MAP3K14: variants seen among roughly 807,000 people sequenced by gnomAD.
MAP3K14 encodes the protein NF-kappa-beta-inducing kinase.
In MAP3K14, 16 loss-of-function variants were observed where a neutral mutation model predicts 99.2. That is an observed-to-expected ratio of 0.16 (90% CI 0.11 to 0.24). The LOEUF (loss-of-function observed/expected upper bound fraction) is 0.24. Ranked by LOEUF, MAP3K14 falls within the 10% of genes least tolerant of loss-of-function variation. The pLI, the probability that MAP3K14 is intolerant of heterozygous loss-of-function variation, is 1.00. For missense variants in MAP3K14, 784 were observed against 1,208.7 expected (o/e 0.65, Z 5.21); for synonymous variants, 462 against 492.4 (o/e 0.94, Z 0.82).
At chr17:45,269,222 G>A (rs2044123558) in intron 11 of MAP3K14, among the ~76,000 whole-genome samples, 2 of 152,042 alleles carry the variant, frequency 1.3e-5, no homozygotes, top group Admixed American at 1.3e-4. Context: ...ATGTTGCCCA[G>A]GCTGATCTTG....
intron 8 of MAP3K14, chr17:45,273,886 A>G: frequency 1.6e-6 from 1 of 642,228 alleles, no homozygotes; most frequent in East Asian, 2.7e-5. Context: ...ACCAGGGGTC[A>G]CCAGTGGGTG....
At chr17:45,295,544 C>T (rs984422727) in intron 1 of MAP3K14, among the ~76,000 whole-genome samples, 12 of 152,130 alleles carry the variant, frequency 7.9e-5, no homozygotes, top group Admixed American at 3.9e-4. Flanking sequence ...TACTAACTGT[C>T]GATACTTACA....
Position 45,271,163 on chromosome 17 carries a change from G to GA in MAP3K14, c.1715_1716insT (p.Cys573LeufsTer98). 1 of 1,613,538 alleles carries GA rather than the reference G, an allele frequency of 6.2e-7. No individual in the cohort carries two copies. Among genetic ancestry groups the GA allele is most frequent in the Non-Finnish European group, 8.5e-7 (1 of 1,179,802 alleles). ...TCCAGACATCCACCTTGGCGTCGCA[G>GA]CTCCTGCCCAGCACCACCTCCGGAG... On this transcript the variant is annotated frameshift_variant, in exon 10 of 16. Coordinates refer to ENST00000344686, the MANE Select transcript of MAP3K14 (RefSeq NM_003954.5). LOFTEE classifies it high-confidence loss of function.
rs747466210 is a variant in MAP3K14 at position 45,286,763 on chromosome 17, G to A, written c.820C>T (p.Pro274Ser). 1 of 1,612,486 alleles carries A rather than the reference G, an allele frequency of 6.2e-7. No individual in the cohort carries two copies. Among genetic ancestry groups the A allele is most frequent in the South Asian group, 1.1e-5 (1 of 90,768 alleles). Residue 274 changes from proline to serine, a missense_variant, in exon 5 of 16, where the codon CCC (proline) becomes TCC (serine). By Grantham distance (74) the Pro-to-Ser change is moderately conservative. Transcript: ENST00000344686. The surrounding 1 kb of genome is among the most constrained non-coding windows in gnomAD (Gnocchi z 4.1). ...PHPFPFHPLQ[P>S]WKPHPLESFL... ...GACTCCAGAGGGTGAGGTTTCCAGG[G>A]CTGGAGAGGGTGGAATGGGAAGGGA... is the stretch of plus-strand genomic sequence containing the variant.
chr17:45,271,265 G>A, intron 9 of MAP3K14, 44 bp from the exon 10 acceptor site: 3 of 1,564,712 alleles, frequency 1.9e-6, no homozygotes, highest in Non-Finnish European at 2.6e-6. Flanking sequence ...AATGCTGATG[G>A]GCAGGAGCCT....
At chr17:45,279,016 A>C (rs1781857436) in intron 6 of MAP3K14, among the ~76,000 whole-genome samples, 1 of 152,188 alleles carries the variant, frequency 6.6e-6, no homozygotes, top group Non-Finnish European at 1.5e-5. Flanking sequence ...AGGTGGAAGC[A>C]CTGTCAGCAA....
At chr17:45,276,057 G>A (rs777832051) in intron 6 of MAP3K14, among the ~76,000 whole-genome samples, 29 of 152,022 alleles carry the variant, frequency 1.9e-4, no homozygotes, top group Non-Finnish European at 3.8e-4. Context: ...CACCATGCCC[G>A]GCCTCAACAC....
chr17:45,267,010 G>A lies in MAP3K14; in HGVS notation c.2433+82C>T, dbSNP rs2143768789. On this transcript the variant is annotated intron_variant, in intron 13 of 15. Coordinates refer to ENST00000344686, the MANE Select transcript of MAP3K14 (RefSeq NM_003954.5). The surrounding 1 kb of genome is among the most constrained non-coding windows in gnomAD (Gnocchi z 5.1). Reference sequence around the variant, plus strand: ...CTTGCACAGTGTCCATTCACTAGCTGGACGCAAAGCTACTTGCTCTGTGCC... The same window carrying A: ...CTTGCACAGTGTCCATTCACTAGCTAGACGCAAAGCTACTTGCTCTGTGCC... 3 of 1,046,036 alleles carry A rather than the reference G, an allele frequency of 2.9e-6. No homozygotes were observed. The South Asian group carries it at 4.1e-5, about 14-fold the overall frequency. 64.8% of individuals were successfully genotyped at this position (1,046,036 alleles called of 1,614,324 possible).
chr17:45,264,264 C>A lies in MAP3K14; in HGVS notation c.*372G>T, dbSNP rs1216475130. On this transcript the variant is annotated 3_prime_UTR_variant, in exon 16 of 16. Coordinates refer to ENST00000344686, the MANE Select transcript of MAP3K14 (RefSeq NM_003954.5). The stretch of plus-strand genomic sequence containing the variant: ...GTGAGGGGCCGAGGGGCTCGCCCAC[C>A]CCTTCTGACCCAGGCTGGAAGCTGC... The A allele has an allele frequency of 5.3e-6, 1 of 188,396 alleles. No homozygotes were observed. The highest frequency in any genetic ancestry group is 1.1e-5 in the Non-Finnish European group (1 of 91,408). The allele number at this position is 188,396 out of a possible 1,614,324, so 11.7% of individuals were successfully genotyped here.
At chr17:45,270,962 T>TC in intron 10 of MAP3K14, 96 bp downstream of exon 10, 1 of 1,482,320 alleles carries the variant, frequency 6.7e-7, no homozygotes, top group Non-Finnish European at 9.1e-7. Flanking sequence ...CTCCCCTTGC[T>TC]CCATCTGCCA....
chr17:45,267,353 G>C lies in MAP3K14; in HGVS notation c.2326+53C>G. On this transcript the variant is annotated intron_variant, in intron 12 of 15. Transcript: ENST00000344686. The surrounding 1 kb of genome is among the most constrained non-coding windows in gnomAD (Gnocchi z 5.1). The stretch of plus-strand genomic sequence containing the variant: ...GGTAAAGAGAAACACCGGCCTCCGC[G>C]GGTGGCCCAGGGCCAGTGCTCAGGG... The C allele has an allele frequency of 6.6e-7, 1 of 1,510,906 alleles. No homozygotes were observed. The highest frequency in any genetic ancestry group is 9.0e-7 in the Non-Finnish European group (1 of 1,115,098). 93.6% of individuals were successfully genotyped at this position (1,510,906 alleles called of 1,614,324 possible). A position where few individuals can be genotyped will look rare whatever the true frequency, so the allele number is the denominator to read the frequency against.
chr17:45,273,148 T>G (rs887402407), intron 9 of MAP3K14, among the ~76,000 whole-genome samples: 11 of 152,144 alleles, frequency 7.2e-5, no homozygotes, highest in Admixed American at 6.5e-4. Flanking sequence ...CAGCCAACCG[T>G]GCTCAGAGGC....
At chr17:45,310,600 G>C (rs2044467659) in intron 1 of MAP3K14, among the ~76,000 whole-genome samples, 1 of 152,182 alleles carries the variant, frequency 6.6e-6, no homozygotes, top group South Asian at 2.1e-4. Context: ...ACTGAGAGGA[G>C]CCAGGCAGAT....
At position 45,283,417 on chromosome 17, in the gene MAP3K14, C is replaced by T. The variant is rs1256433207; in HGVS notation, c.1290+1395G>A. ...TCAGGGGTGGTGAGGGCGGAGTTTTCGTATTCGACACAGTGTGTCTGAAGT... is the reference window on the plus strand; with the variant it reads ...TCAGGGGTGGTGAGGGCGGAGTTTTTGTATTCGACACAGTGTGTCTGAAGT... On this transcript the variant is annotated intron_variant, in intron 6 of 15. Transcript: ENST00000344686. Among the ~76,000 whole-genome samples, 5 of 152,218 alleles carry T rather than the reference C, an allele frequency of 3.3e-5. No homozygotes were observed. The East Asian group carries it at 7.7e-4, about 23-fold the overall frequency.
At chr17:45,274,327 G>A (rs1056501220) in intron 7 of MAP3K14, 73 bp from the exon 8 acceptor site, 6 of 1,573,342 alleles carry the variant, frequency 3.8e-6, no homozygotes, top group Non-Finnish European at 5.2e-6. Context: ...AAGAGCACAG[G>A]GCAGGCAGTG....
chr17:45,315,951 T>G (rs774084838), intron 1 of MAP3K14, among the ~76,000 whole-genome samples: 107 of 152,204 alleles, frequency 7.0e-4, no homozygotes, highest in Non-Finnish European at 1.3e-3. Flanking sequence ...AGTCAAGGGG[T>G]TTCCAACATT....
At chr17:45,270,069 G>A (rs192302928) in intron 11 of MAP3K14, among the ~76,000 whole-genome samples, 47 of 152,312 alleles carry the variant, frequency 3.1e-4, no homozygotes, top group Middle Eastern at 3.4e-3. Flanking sequence ...AGGACACCAA[G>A]CTAGTGTCTG....
At chr17:45,295,866 T>C (rs1472643230) in intron 1 of MAP3K14, among the ~76,000 whole-genome samples, 1 of 152,192 alleles carries the variant, frequency 6.6e-6, no homozygotes, top group Non-Finnish European at 1.5e-5. Flanking sequence ...CTAAAAGCCA[T>C]CACTGAGAAG....
At chr17:45,271,509 C>A (rs1177370353) in intron 9 of MAP3K14, among the ~76,000 whole-genome samples, 1 of 152,118 alleles carries the variant, frequency 6.6e-6, no homozygotes, top group East Asian at 1.9e-4. Context: ...CCATGCCCAG[C>A]TAATTTTTAT....
Sources: allele counts gnomAD v4.1 joint callset (sites outside exome capture counted in the v4.1 genomes callset), GRCh38; gene constraint gnomAD v4.1.1; non-coding constraint Gnocchi (gnomAD v3.1); transcripts MANE v1.5; gene names NCBI Gene and HGNC (gene_info 2026-07-23, HGNC 2026-07-21).